Variants in SLCO2B1 observed in about 807,000 individuals in gnomAD.
SLCO2B1 encodes solute carrier organic anion transporter family member 2B1.
Under a neutral mutation model 67.3 loss-of-function variants are expected in SLCO2B1, and 41 were observed. That is an observed-to-expected ratio of 0.61 (90% CI 0.47 to 0.79). SLCO2B1 has a LOEUF of 0.79. SLCO2B1 is among the 30% of genes least tolerant of loss of function. The pLI is 0.00. For missense variants in SLCO2B1, 837 were observed against 920.1 expected, an observed-to-expected ratio of 0.91 and a Z score of 1.17; for synonymous variants, 379 against 381.4, an observed-to-expected ratio of 0.99 and a Z score of 0.07.
chr11:75,196,423 C>T, intron 9 of SLCO2B1, 91 bp from the exon 10 acceptor site: 1 of 1,301,926 alleles, frequency 7.7e-7, no homozygotes, highest in Non-Finnish European at 1.1e-6. Flanking sequence ...AATCTCTGGC[C>T]ATTGCTCTCG....
chr11:75,174,849 G>A (rs1038828537), intron 7 of SLCO2B1, among the ~76,000 whole-genome samples: 1 of 152,182 alleles, frequency 6.6e-6, no homozygotes. Flanking sequence ...GTTTAGGGGT[G>A]GGAGACCACG....
At chr11:75,153,169 C>G (rs981145147) in intron 1 of SLCO2B1, among the ~76,000 whole-genome samples, 1 of 152,226 alleles carries the variant, frequency 6.6e-6, no homozygotes, top group Non-Finnish European at 1.5e-5. Flanking sequence ...TGTTTTCCAA[C>G]TCTTCCAAAT....
intron 4 of SLCO2B1, among the ~76,000 whole-genome samples, chr11:75,168,609 C>G (rs1473882032): frequency 2.6e-5 from 4 of 152,206 alleles, no homozygotes; most frequent in Admixed American, 2.6e-4. Context: ...GGCCCCAGGG[C>G]CCTCCACAAT....
intron 7 of SLCO2B1, among the ~76,000 whole-genome samples, chr11:75,180,691 CA>C (rs1319247924): frequency 1.3e-5 from 2 of 152,202 alleles, no homozygotes; most frequent in Non-Finnish European, 2.9e-5. Context: ...AGTACTACAA[CA>C]GTAGGAATTA....
chr11:75,203,339 G>A lies in SLCO2B1; in HGVS notation c.1861G>A (p.Ala621Thr), dbSNP rs753943330. 12 of 1,613,882 alleles carry A rather than the reference G, an allele frequency of 7.4e-6. No homozygotes were observed. Among genetic ancestry groups the A allele is most frequent in the South Asian group, 3.3e-5 (3 of 91,092 alleles). The change falls in exon 13 of 14, where the codon GCC becomes ACC. Residue 621 changes from alanine to threonine, a missense_variant. By Grantham distance (58) the Ala-to-Thr change is moderately conservative. Transcript: ENST00000289575. ...WMPSPVIHGS[A>T]IDTTCVHWAL... ...GCCCAGCCCCGTGATCCACGGCAGC[G>A]CCATCGACACCACCTGTGTGCACTG...
intron 3 of SLCO2B1, among the ~76,000 whole-genome samples, chr11:75,165,332 T>C (rs1565534816): frequency 6.6e-6 from 1 of 151,360 alleles, no homozygotes; most frequent in Non-Finnish European, 1.5e-5. Context: ...CTTGGGAGGC[T>C]GAGGCAGGAG....
intron 9 of SLCO2B1, among the ~76,000 whole-genome samples, chr11:75,195,608 C>T (rs1412782768): frequency 6.6e-6 from 1 of 152,154 alleles, no homozygotes; most frequent in African/African-American, 2.4e-5. Context: ...TGACATTTCA[C>T]TAAGCTCCAG....
chr11:75,151,295 C>G lies in SLCO2B1; in HGVS notation c.-87C>G. ...CTCACCTGCTGCTGTCTCCAGGAGC[C>G]CCTGAGAAGATTTGCTTCCTCTCCC... On this transcript the variant is annotated 5_prime_UTR_variant, in exon 1 of 14. Transcript: ENST00000289575. 8.0e-7 allele frequency: 1 copy of G among 1,249,266 alleles called. No homozygotes were observed. The highest frequency in any genetic ancestry group is 1.2e-6 in the Non-Finnish European group (1 of 866,150). The allele number at this position is 1,249,266 out of a possible 1,614,324, so 77.4% of individuals were successfully genotyped here. A position where few individuals can be genotyped will look rare whatever the true frequency, so the allele number is the denominator to read the frequency against.
Position 75,206,251 on chromosome 11 carries a change from A to G in SLCO2B1, c.*1671A>G, listed in dbSNP as rs999359672. On this transcript the variant is annotated 3_prime_UTR_variant, in exon 14 of 14. Coordinates refer to ENST00000289575, the MANE Select transcript of SLCO2B1 (RefSeq NM_007256.5). ...AGCTTATTATTAAATTTGTTCTTGC[A>G]TAATGTCTCTTCTATTACAAAAATT... The G allele has an allele frequency of 3.3e-5, 5 of 152,336 alleles. No homozygotes were observed. The highest frequency in any genetic ancestry group is 3.3e-4 in the Admixed American group (5 of 15,302). 9.4% of individuals were successfully genotyped at this position (152,336 alleles called of 1,614,324 possible). A position where few individuals can be genotyped will look rare whatever the true frequency, so the allele number is the denominator to read the frequency against.
At chr11:75,154,230 A>G (rs1163148649) in intron 1 of SLCO2B1, among the ~76,000 whole-genome samples, 1 of 150,902 alleles carries the variant, frequency 6.6e-6, no homozygotes, top group Non-Finnish European at 1.5e-5. Context: ...GACCATGTGC[A>G]GCACTTTTAT....
Position 75,193,721 on chromosome 11 carries a change from G to A in SLCO2B1, c.1433+146G>A, listed in dbSNP as rs1466350016. 7.3e-6 allele frequency: 5 copies of A among 682,100 alleles called. No individual in the cohort carries two copies. The highest frequency in any genetic ancestry group is 2.8e-5 in the East Asian group (1 of 36,098). The allele number at this position is 682,100 out of a possible 1,614,324, so 42.3% of individuals were successfully genotyped here. A position where few individuals can be genotyped will look rare whatever the true frequency, so the allele number is the denominator to read the frequency against. On this transcript the variant is annotated intron_variant, in intron 9 of 13. Transcript: ENST00000289575. The surrounding 1 kb of genome is among the most constrained non-coding windows in gnomAD (Gnocchi z 4.2). ...CTGCTTAACAGCCCTTTAGAGATTC[G>A]AGTCAAGCAGTGGGGTGCTCCAGAA... is the stretch of plus-strand genomic sequence containing the variant.
rs563452269 is a variant in SLCO2B1, at chr11:75,193,962, C to G, written c.1433+387C>G. Among the ~76,000 whole-genome samples, 253 of 152,232 alleles carry G rather than the reference C, an allele frequency of 1.7e-3. No individual in the cohort carries two copies. Among genetic ancestry groups the G allele is most frequent in the African/African-American group, 5.8e-3 (242 of 41,516 alleles). ...CCAGCTCAGCCAGAGGAATGGCCTG[C>G]CCAGGAGGAAGCATGCTCTCCATCC... On this transcript the variant is annotated intron_variant, in intron 9 of 13. Coordinates refer to ENST00000289575, the MANE Select transcript of SLCO2B1 (RefSeq NM_007256.5). This position sits in a 1 kb window ranked among gnomAD's most constrained non-coding sequence, Gnocchi z 4.2.
At chr11:75,201,189 AC>A (rs1000612710) in intron 11 of SLCO2B1, 3 of 151,508 alleles carry the variant, frequency 2.0e-5, no homozygotes, top group African/African-American at 7.3e-5. Flanking sequence ...ACCACACCCA[AC>A]TAATTGTATT....
chr11:75,175,364 T>A (rs1053977886), intron 7 of SLCO2B1, among the ~76,000 whole-genome samples: 1 of 151,910 alleles, frequency 6.6e-6, no homozygotes, highest in African/African-American at 2.4e-5. Flanking sequence ...TGAGGCTGAA[T>A]TGGCTGCCAG....
At chr11:75,179,795 G>A (rs190337707) in intron 7 of SLCO2B1, among the ~76,000 whole-genome samples, 69 of 144,290 alleles carry the variant, frequency 4.8e-4, no homozygotes, top group Middle Eastern at 4.4e-3. Context: ...GGAGTGCAGT[G>A]GCACAATCTT....
intron 1 of SLCO2B1, among the ~76,000 whole-genome samples, chr11:75,155,700 C>A (rs549840480): frequency 6.6e-6 from 1 of 152,254 alleles, no homozygotes; most frequent in Non-Finnish European, 1.5e-5. Flanking sequence ...TCAGGTGATC[C>A]GCCTGCTTCA....
At position 75,204,615 on chromosome 11, in the gene SLCO2B1, G is replaced by C. The variant is rs1175825643; in HGVS notation, c.*35G>C. The C allele has an allele frequency of 1.3e-6, 2 of 1,569,644 alleles. No individual in the cohort carries two copies. Among genetic ancestry groups the C allele is most frequent in the Admixed American group, 3.6e-5 (2 of 55,162 alleles). On this transcript the variant is annotated 3_prime_UTR_variant, in exon 14 of 14. Transcript: ENST00000289575. ...GGGCCCCACCTGGCCAAGAGTAGCA[G>C]CCACAGCAGTACCTCCTCTGAGTCC...
intron 1 of SLCO2B1, among the ~76,000 whole-genome samples, chr11:75,155,919 G>C (rs61115239): frequency 3.3e-5 from 5 of 152,066 alleles, no homozygotes; most frequent in Non-Finnish European, 2.9e-5. Context: ...TCACTAGGGT[G>C]GGGGGTACGT....
chr11:75,169,083 A>G (rs1949927308), intron 4 of SLCO2B1, 90 bp from the exon 5 acceptor site: 1 of 1,049,654 alleles, frequency 9.5e-7, no homozygotes, highest in South Asian at 1.7e-5. Flanking sequence ...TTATTTTTAT[A>G]CACAGCACTT....
Sources: gnomAD v4.1 joint callset for allele counts (sites outside exome capture counted in the v4.1 genomes callset) on GRCh38, gnomAD v4.1.1 for gene constraint, Gnocchi (gnomAD v3.1) non-coding constraint, MANE v1.5 for transcripts, NCBI Gene and HGNC (gene_info 2026-07-23, HGNC 2026-07-21) for gene names.